The following ZNF536 variants were observed in gnomAD, a reference collection of about 807,000 sequenced individuals.
ZNF536 encodes zinc finger protein 536.
ZNF536 carries 13 observed loss-of-function variants against 84.5 expected under a neutral mutation model. That is an observed-to-expected ratio of 0.15 (90% CI 0.10 to 0.24). ZNF536 has a LOEUF of 0.24. ZNF536 is among the 10% of genes least tolerant of loss of function. The pLI, the probability that ZNF536 is intolerant of heterozygous loss-of-function variation, is 1.00. For synonymous variants in ZNF536, 811 were observed against 742.5 expected, an observed-to-expected ratio of 1.09 and a Z score of -1.50; for missense variants, 1,536 against 1,747.5, an observed-to-expected ratio of 0.88 and a Z score of 2.16.
chr19:30,591,024 A>G (rs1218792470), intron 1 of ZNF536, among the ~76,000 whole-genome samples: 1 of 152,252 alleles, frequency 6.6e-6, no homozygotes, highest in Non-Finnish European at 1.5e-5. Context: ...GGGAGAGCCC[A>G]GCACAGCTGG....
chr19:30,429,418 G>A (rs552410604), intron 1 of ZNF536, among the ~76,000 whole-genome samples: 1 of 152,266 alleles, frequency 6.6e-6, no homozygotes, highest in Non-Finnish European at 1.5e-5. Flanking sequence ...AGATCAGGGA[G>A]AGAGGCAGCA....
At chr19:30,506,054 A>G (rs1434773208) in intron 2 of ZNF536, among the ~76,000 whole-genome samples, 4 of 150,952 alleles carry the variant, frequency 2.6e-5, no homozygotes, top group Non-Finnish European at 4.4e-5. Flanking sequence ...AAATAATATA[A>G]ATATTATTTA....
chr19:30,393,225 T>A (rs2049673385), intron 1 of ZNF536, among the ~76,000 whole-genome samples: 2 of 151,952 alleles, frequency 1.3e-5, no homozygotes, highest in South Asian at 2.1e-4. Flanking sequence ...TGCGGTAGGA[T>A]GGGGTTGGGG....
intron 2 of ZNF536, among the ~76,000 whole-genome samples, chr19:30,525,377 G>C (rs1568515557): frequency 6.6e-6 from 1 of 152,200 alleles, no homozygotes; most frequent in Non-Finnish European, 1.5e-5. Flanking sequence ...TCATAGTCAG[G>C]AACTGGTCTT....
chr19:30,699,130 T>G (rs566417852), intron 1 of ZNF536, among the ~76,000 whole-genome samples: 1 of 152,322 alleles, frequency 6.6e-6, no homozygotes, highest in East Asian at 1.9e-4. Context: ...AGTACTTTCT[T>G]ACTTTCTAGC....
chr19:30,247,499 T>A (rs917848554), intron 1 of ZNF536, among the ~76,000 whole-genome samples: 2 of 152,132 alleles, frequency 1.3e-5, no homozygotes, highest in African/African-American at 2.4e-5. Flanking sequence ...TCTTCTCTGA[T>A]GGGTTACACC....
chr19:30,543,212 A>G (rs2045402791), intron 3 of ZNF536, among the ~76,000 whole-genome samples: 1 of 152,194 alleles, frequency 6.6e-6, no homozygotes, highest in Non-Finnish European at 1.5e-5. Flanking sequence ...TACTCATCTG[A>G]TCTGTGTGGT....
chr19:30,694,027 A>T (rs552107469), intron 1 of ZNF536, among the ~76,000 whole-genome samples: 32 of 152,320 alleles, frequency 2.1e-4, no homozygotes, highest in African/African-American at 7.7e-4. Flanking sequence ...TTTTTATGAA[A>T]GATGTGTGCA....
intron 1 of ZNF536, among the ~76,000 whole-genome samples, chr19:30,638,950 G>A (rs918984951): frequency 3.3e-5 from 5 of 152,136 alleles, no homozygotes; most frequent in East Asian, 1.9e-4. Context: ...TTCTTTTGGC[G>A]ATTCCCATTT....
In ZNF536 at chr19:30,582,605, C is replaced by T. The variant is rs577718490; in HGVS notation, c.169+33091C>T. Reference sequence around the variant, plus strand: ...GATGTATTAGTCTGTTCTCACACTGCTGATAAAGACATACCCAAGACTAGG... The same window carrying T: ...GATGTATTAGTCTGTTCTCACACTGTTGATAAAGACATACCCAAGACTAGG... On this transcript the variant is annotated intron_variant, in intron 1 of 1. Transcript: ENST00000592773. Among the ~76,000 whole-genome samples, 193 of 151,936 alleles carry T rather than the reference C, an allele frequency of 1.3e-3. 1 individual carries two copies. Among genetic ancestry groups the T allele is most frequent in the African/African-American group, 4.5e-3 (185 of 41,430 alleles).
At chr19:30,532,711 TAGA>T (rs2044891307) in intron 2 of ZNF536, among the ~76,000 whole-genome samples, 1 of 152,096 alleles carries the variant, frequency 6.6e-6, no homozygotes, top group Non-Finnish European at 1.5e-5. Flanking sequence ...GGGAGAAGGG[TAGA>T]AGGAGATGGC....
chr19:30,456,165 T>A (rs1964483186), intron 2 of ZNF536, among the ~76,000 whole-genome samples: 1 of 152,188 alleles, frequency 6.6e-6, no homozygotes, highest in Non-Finnish European at 1.5e-5. Context: ...ATAGTAATAG[T>A]TATACTTTTT....
chr19:30,677,960 C>A (rs757006494), intron 1 of ZNF536, among the ~76,000 whole-genome samples: 6 of 152,188 alleles, frequency 3.9e-5, no homozygotes, highest in Non-Finnish European at 8.8e-5. Flanking sequence ...AGCCACCGAA[C>A]TTCCTTCCTT....
At chr19:30,642,971 A>T (rs1016948728) in intron 1 of ZNF536, among the ~76,000 whole-genome samples, 1 of 152,250 alleles carries the variant, frequency 6.6e-6, no homozygotes, top group African/African-American at 2.4e-5. Context: ...TGTCAACACC[A>T]AAAGTCATGG....
chr19:30,657,669 C>T (rs991775507), intron 1 of ZNF536, among the ~76,000 whole-genome samples: 1 of 152,234 alleles, frequency 6.6e-6, no homozygotes, highest in Non-Finnish European at 1.5e-5. Flanking sequence ...CAGGCACTTG[C>T]AACTCTCTTA....
chr19:30,501,517 T>C (rs1273784061), intron 2 of ZNF536, among the ~76,000 whole-genome samples: 2 of 152,204 alleles, frequency 1.3e-5, no homozygotes, highest in Non-Finnish European at 2.9e-5. Context: ...TATGCTGGTC[T>C]CCCAGCATAA....
chr19:30,630,945 T>C (rs2048865563), intron 1 of ZNF536, among the ~76,000 whole-genome samples: 1 of 152,132 alleles, frequency 6.6e-6, no homozygotes, highest in Non-Finnish European at 1.5e-5. Flanking sequence ...TCCTAAAAAA[T>C]TCAGTGGACA....
intron 2 of ZNF536, among the ~76,000 whole-genome samples, chr19:30,493,800 G>A (rs1049376955): frequency 3.9e-5 from 6 of 152,226 alleles, no homozygotes; most frequent in East Asian, 1.9e-4. Context: ...AGGTTCCTGC[G>A]GGGGCCAGAA....
intron 2 of ZNF536, among the ~76,000 whole-genome samples, chr19:30,458,364 G>T (rs922993651): frequency 1.3e-5 from 2 of 150,892 alleles, no homozygotes; most frequent in Non-Finnish European, 2.9e-5. Context: ...TGGCTTGGGG[G>T]TGATTTTAAA....
Sources: gnomAD v4.1 joint callset for allele counts (sites outside exome capture counted in the v4.1 genomes callset) on GRCh38, gnomAD v4.1.1 for gene constraint, MANE v1.5 for transcripts, NCBI Gene and HGNC (gene_info 2026-07-23, HGNC 2026-07-21) for gene names.